The following PTP4A1 variants were observed in gnomAD, a reference collection of about 807,000 sequenced individuals.
The protein encoded by PTP4A1 is protein tyrosine phosphatase 4A1.
Under a neutral mutation model 20.5 loss-of-function variants are expected in PTP4A1, and 9 were observed. The observed-to-expected ratio is 0.44, with a 90% confidence interval of 0.26 to 0.77. The LOEUF (loss-of-function observed/expected upper bound fraction) is 0.77, where lower values mean the gene tolerates loss of function less well. Among genes scored for constraint, PTP4A1 ranks in the 30% least tolerant of loss-of-function variants. The pLI is 0.19. For synonymous variants in PTP4A1, 78 were observed against 67.4 expected (o/e 1.16, Z -0.77); for missense variants, 137 against 218.8 (o/e 0.63, Z 2.36).
chr6:63,523,827 A>G (rs888450981), intron 1 of PTP4A1, among the ~76,000 whole-genome samples: 1 of 152,118 alleles, frequency 6.6e-6, no homozygotes, highest in Non-Finnish European at 1.5e-5. Flanking sequence ...AAGCCAAAAG[A>G]TTGGACACCC....
chr6:63,535,516 G>C (rs1299447152), intron 2 of PTP4A1, among the ~76,000 whole-genome samples: 1 of 152,066 alleles, frequency 6.6e-6, no homozygotes, highest in African/African-American at 2.4e-5. Context: ...TAATTAAATG[G>C]TGAATAAACT....
intron 2 of PTP4A1, among the ~76,000 whole-genome samples, chr6:63,538,205 T>G (rs953494023): frequency 6.6e-6 from 1 of 152,232 alleles, no homozygotes; most frequent in African/African-American, 2.4e-5. Context: ...AATGACAGGT[T>G]GTTCAAAAGG....
chr6:63,569,891 G>A (rs1434097719), upstream of PTP4A1, among the ~76,000 whole-genome samples: 1 of 152,196 alleles, frequency 6.6e-6, no homozygotes, highest in Non-Finnish European at 1.5e-5. Context: ...AAGGGTTAGT[G>A]AGTCCTCAAA....
At chr6:63,528,462 T>C (rs999145998) in intron 2 of PTP4A1, among the ~76,000 whole-genome samples, 1 of 151,838 alleles carries the variant, frequency 6.6e-6, no homozygotes, top group African/African-American at 2.4e-5. Context: ...CAGTGGTTCA[T>C]GCCTATAATC....
intron 2 of PTP4A1, among the ~76,000 whole-genome samples, chr6:63,544,553 T>C (rs1044083362): frequency 1.3e-5 from 2 of 152,160 alleles, no homozygotes; most frequent in African/African-American, 4.8e-5. Context: ...TCCTTTATAG[T>C]AAAATAAAAA....
In PTP4A1 at chr6:63,582,450, G is replaced by A. The variant is rs569483309; in HGVS notation, c.*2276G>A. On this transcript the variant is annotated 3_prime_UTR_variant, in exon 6 of 6. Coordinates refer to ENST00000626021, the MANE Select transcript of PTP4A1 (RefSeq NM_003463.5). ...TTATCTGTACATTATACGATGTGAT[G>A]AAATTTGCTTTTTATCCAAATATTT... 14 of 152,710 alleles carry A rather than the reference G, an allele frequency of 9.2e-5. No individual in the cohort carries two copies. The highest frequency in any genetic ancestry group is 3.1e-4 in the African/African-American group (13 of 41,566). The allele number at this position is 152,710 out of a possible 1,614,324, so 9.5% of individuals were successfully genotyped here.
Position 63,549,178 on chromosome 6 carries a change from T to C in PTP4A1, c.-639-1122T>C, listed in dbSNP as rs185851158. The stretch of plus-strand genomic sequence containing the variant: ...TTGGCCAGGGCCAACAGCCTCTGTT[T>C]CTTCTCTTGCTTAGTCTCTGATCTG... On this transcript the variant is annotated intron_variant, in intron 2 of 3. Transcript: ENST00000639568. 9.3e-4 allele frequency: 637 copies of C among 687,508 alleles called. 8 individuals are homozygous for C. The East Asian group carries it at 0.015, about 16-fold the overall frequency. 42.6% of individuals were successfully genotyped at this position (687,508 alleles called of 1,614,324 possible).
chr6:63,580,409 T>A lies in PTP4A1; in HGVS notation c.*235T>A, dbSNP rs550469155. 3 of 442,566 alleles carry A rather than the reference T, an allele frequency of 6.8e-6. No individual in the cohort carries two copies. The highest frequency in any genetic ancestry group is 3.9e-5 in the African/African-American group (2 of 51,070). The allele number at this position is 442,566 out of a possible 1,614,324, so 27.4% of individuals were successfully genotyped here. A position where few individuals can be genotyped will look rare whatever the true frequency, so the allele number is the denominator to read the frequency against. On this transcript the variant is annotated 3_prime_UTR_variant, in exon 6 of 6. Coordinates refer to ENST00000626021, the MANE Select transcript of PTP4A1 (RefSeq NM_003463.5). ...GCTGTCAGCATATAAAATGTGCTTG[T>A]CATTTGTATCAATTGACCTTTCCCC...
chr6:63,549,416 A>G (rs1776340145), intron 2 of PTP4A1: 4 of 751,494 alleles, frequency 5.3e-6, no homozygotes, highest in Non-Finnish European at 9.7e-6. Context: ...CGTTTCTCAA[A>G]CAGGGGATTC....
At chr6:63,556,094 T>A (rs1776675220) in intron 3 of PTP4A1, among the ~76,000 whole-genome samples, 1 of 152,206 alleles carries the variant, frequency 6.6e-6, no homozygotes, top group Admixed American at 6.5e-5. Flanking sequence ...AGTTTTCAAG[T>A]TCACATTTTG....
chr6:63,566,059 T>C (rs1177216791), intron 3 of PTP4A1, among the ~76,000 whole-genome samples: 1 of 152,236 alleles, frequency 6.6e-6, no homozygotes, highest in Non-Finnish European at 1.5e-5. Context: ...TTGTTGTCTG[T>C]TAAATGTGCA....
At chr6:63,516,734 T>C in the PTP4A1 span, among the ~76,000 whole-genome samples, 1 of 152,196 alleles carries the variant, frequency 6.6e-6, no homozygotes, top group Non-Finnish European at 1.5e-5. Flanking sequence ...TTGGGATATA[T>C]GTGGCAATGG....
chr6:63,571,274 C>A (rs1246992587), upstream of PTP4A1: 1 of 152,106 alleles, frequency 6.6e-6, no homozygotes, highest in Non-Finnish European at 1.5e-5. Context: ...TTGCAGGGCA[C>A]TGAAAGAGGA....
At chr6:63,528,861 G>A (rs1042312571) in intron 2 of PTP4A1, among the ~76,000 whole-genome samples, 8 of 152,146 alleles carry the variant, frequency 5.3e-5, no homozygotes, top group Admixed American at 1.3e-4. Context: ...GGCCGAGGCC[G>A]GTGGATTACC....
chr6:63,532,289 A>G (rs1775505912), intron 2 of PTP4A1, among the ~76,000 whole-genome samples: 1 of 152,198 alleles, frequency 6.6e-6, no homozygotes, highest in Admixed American at 6.5e-5. Context: ...AATATTGTCA[A>G]ATTTTGGTAA....
chr6:63,537,415 C>T (rs2149481510), intron 2 of PTP4A1, among the ~76,000 whole-genome samples: 1 of 152,268 alleles, frequency 6.6e-6, no homozygotes, highest in South Asian at 2.1e-4. Flanking sequence ...GATTTCAACA[C>T]CAATGCCCAG....
At chr6:63,542,158 G>A (rs1478121302) in intron 2 of PTP4A1, among the ~76,000 whole-genome samples, 1 of 151,954 alleles carries the variant, frequency 6.6e-6, no homozygotes, top group Non-Finnish European at 1.5e-5. Context: ...TAGTCTAAGT[G>A]AAGTAACTCA....
intron 1 of PTP4A1, among the ~76,000 whole-genome samples, 155 bp downstream of exon 1, chr6:63,572,874 CTGTGGCCGGCCGAT>C (rs1479166004): frequency 6.6e-6 from 1 of 151,998 alleles, no homozygotes; most frequent in Non-Finnish European, 1.5e-5. Context: ...GGTTATGGCC[CTGTGGCCGGCCGAT>C]TGCGGCCGGC....
At chr6:63,525,304 G>T (rs984592809) in intron 1 of PTP4A1, among the ~76,000 whole-genome samples, 1 of 152,148 alleles carries the variant, frequency 6.6e-6, no homozygotes, top group African/African-American at 2.4e-5. Context: ...CCGGTTGTGG[G>T]TAACCTCCAG....
Sources: allele counts gnomAD v4.1 joint callset (sites outside exome capture counted in the v4.1 genomes callset), GRCh38; gene constraint gnomAD v4.1.1; transcripts MANE v1.5; gene names NCBI Gene and HGNC (gene_info 2026-07-23, HGNC 2026-07-21).